The following OR51E1 variants were observed in gnomAD, a reference collection of about 807,000 sequenced individuals.
OR51E1 encodes the protein olfactory receptor family 51 subfamily E member 1.
Under a neutral mutation model 11.5 loss-of-function variants are expected in OR51E1, and 9 were observed. The observed-to-expected ratio is 0.78, with a 90% CI of 0.47 to 1.37. The LOEUF is 1.37. Among genes scored for constraint, OR51E1 ranks in the 40% most tolerant of loss-of-function variants. OR51E1 has a pLI of 0.00. For missense variants in OR51E1, 397 were observed against 410.2 expected (o/e 0.97, Z 0.28); for synonymous variants, 168 against 158.3 (o/e 1.06, Z -0.46).
At position 4,653,157 on chromosome 11, in the gene OR51E1, G is replaced by A. The variant is rs1847125122; in HGVS notation, c.631G>A (p.Gly211Ser). The change falls in exon 2 of 2, where the codon GGC becomes AGC. Residue 211 changes from glycine to serine, a missense_variant. By Grantham distance (56) the Gly-to-Ser change is moderately conservative (BLOSUM62 0). Transcript: ENST00000396952. Reference sequence around the variant, plus strand: ...CCTTATCGTCATCATCTCCGCCATTGGCCTGGACTCACTTCTCATCTCCTT... The same window carrying A: ...CCTTATCGTCATCATCTCCGCCATTAGCCTGGACTCACTTCTCATCTCCTT... The part of the protein sequence containing the change: ...YGLIVIISAI[G>S]LDSLLISFSY... 6.2e-7 allele frequency: 1 copy of A among 1,613,764 alleles called. No individual in the cohort carries two copies. Among genetic ancestry groups the A allele is most frequent in the African/African-American group, 1.3e-5 (1 of 74,866 alleles).
chr11:4,645,426 T>G (rs1413805248), intron 1 of OR51E1, among the ~76,000 whole-genome samples: 1 of 152,226 alleles, frequency 6.6e-6, no homozygotes, highest in African/African-American at 2.4e-5. Flanking sequence ...TTGTTGTCTT[T>G]GCTTCTGAGG....
Position 4,652,708 on chromosome 11 carries a change from C to T in OR51E1, c.182C>T (p.Pro61Leu), listed in dbSNP as rs1227774481. The T allele has an allele frequency of 1.2e-5, 19 of 1,613,800 alleles. No homozygotes were observed. Among genetic ancestry groups the T allele is most frequent in the Non-Finnish European group, 1.4e-5 (17 of 1,179,920 alleles). ...IVRTEHSLHEPMYIFLCMLSG... is the reference protein window; with the variant it reads ...IVRTEHSLHELMYIFLCMLSG... The stretch of plus-strand genomic sequence containing the variant: ...CGGACTGAGCACAGCCTGCATGAGC[C>T]CATGTATATATTTCTTTGCATGCTT... Residue 61 changes from proline to leucine, a missense_variant, in exon 2 of 2, where the codon CCC (proline) becomes CTC (leucine). By Grantham distance (98) the Pro-to-Leu change is moderately conservative (BLOSUM62 -3). Transcript: ENST00000396952.
chr11:4,645,706 A>C (rs1234967337), intron 1 of OR51E1, among the ~76,000 whole-genome samples: 2 of 152,126 alleles, frequency 1.3e-5, no homozygotes, highest in African/African-American at 2.4e-5. Flanking sequence ...TCTTTAGAAC[A>C]CTTATCTGGT....
Position 4,654,850 on chromosome 11 carries a change from A to G in OR51E1, c.*1367A>G, listed in dbSNP as rs1325993766. On this transcript the variant is annotated 3_prime_UTR_variant, in exon 2 of 2. Transcript: ENST00000396952. ...CAACAGTGTTAACCAAGAAACTCAA[A>G]TTACAAATACTAAAACATGTGATCA... 1.2e-5 allele frequency: 2 copies of G among 167,128 alleles called. No individual in the cohort carries two copies. The highest frequency in any genetic ancestry group is 2.4e-5 in the African/African-American group (1 of 41,456). 10.4% of individuals were successfully genotyped at this position (167,128 alleles called of 1,614,324 possible).
chr11:4,644,370 A>T (rs1016236334), intron 1 of OR51E1, among the ~76,000 whole-genome samples: 2 of 151,978 alleles, frequency 1.3e-5, no homozygotes, highest in African/African-American at 2.4e-5. Context: ...CTGGGGCTGC[A>T]TTGGGGTTGG....
At chr11:4,650,566 G>A (rs1292416463) in intron 1 of OR51E1, among the ~76,000 whole-genome samples, 1 of 152,040 alleles carries the variant, frequency 6.6e-6, no homozygotes, top group African/African-American at 2.4e-5. Context: ...ATTTCTATCT[G>A]GTCTGAGGAA....
Position 4,653,030 on chromosome 11 carries a change from G to A in OR51E1, c.504G>A (p.Gln168=). ...LMAPLPVFIK[Q]LPFCRSNILS... ...CACCCCTTCCTGTCTTCATCAAGCA[G>A]CTGCCCTTCTGCCGCTCCAATATCC... Residue 168 remains glutamine (Q), a synonymous_variant, in exon 2 of 2, where the codon CAG becomes CAA. Coordinates refer to ENST00000396952, the MANE Select transcript of OR51E1 (RefSeq NM_152430.4). The A allele has an allele frequency of 6.2e-7, 1 of 1,610,804 alleles. No homozygotes were observed. Among genetic ancestry groups the A allele is most frequent in the Non-Finnish European group, 8.5e-7 (1 of 1,177,898 alleles).
chr11:4,645,813 G>A (rs1355118354), intron 1 of OR51E1, among the ~76,000 whole-genome samples: 1 of 152,150 alleles, frequency 6.6e-6, no homozygotes, highest in East Asian at 1.9e-4. Context: ...CCAGGGTGGG[G>A]TGAGGGCTCA....
At chr11:4,645,279 G>A (rs969856116) in intron 1 of OR51E1, among the ~76,000 whole-genome samples, 25 of 152,172 alleles carry the variant, frequency 1.6e-4, no homozygotes, top group African/African-American at 5.5e-4. Flanking sequence ...TTGTCTAACC[G>A]AATGCTGCTG....
At chr11:4,645,258 A>G (rs973769162) in intron 1 of OR51E1, among the ~76,000 whole-genome samples, 1 of 152,020 alleles carries the variant, frequency 6.6e-6, no homozygotes, top group Admixed American at 6.6e-5. Flanking sequence ...TTGACACTCA[A>G]TATGTTTTTG....
rs1202674688 is a variant in OR51E1 at position 4,654,931 on chromosome 11, C to A, written c.*1448C>A. Reference sequence around the variant, plus strand: ...ATCCTCAGGTTCCCTGATATGGATTCCTATAACATGCTTTCATCCCCTTTT... The same window carrying A: ...ATCCTCAGGTTCCCTGATATGGATTACTATAACATGCTTTCATCCCCTTTT... On this transcript the variant is annotated 3_prime_UTR_variant, in exon 2 of 2. Coordinates refer to ENST00000396952, the MANE Select transcript of OR51E1 (RefSeq NM_152430.4). The A allele has an allele frequency of 6.0e-6, 1 of 167,040 alleles. No individual in the cohort carries two copies. The highest frequency in any genetic ancestry group is 1.5e-5 in the Non-Finnish European group (1 of 68,118). The allele number at this position is 167,040 out of a possible 1,614,324, so 10.3% of individuals were successfully genotyped here.
At chr11:4,644,687 T>C (rs1847006439) in intron 1 of OR51E1, among the ~76,000 whole-genome samples, 1 of 152,178 alleles carries the variant, frequency 6.6e-6, no homozygotes, top group Admixed American at 6.5e-5. Context: ...CTTTCAGCTT[T>C]CCAAACAAGG....
intron 1 of OR51E1, among the ~76,000 whole-genome samples, chr11:4,648,239 G>A (rs756076791): frequency 6.6e-5 from 10 of 152,174 alleles, no homozygotes; most frequent in Non-Finnish European, 1.2e-4. Flanking sequence ...TGGTATCTTT[G>A]TATCAGTGCC....
At chr11:4,645,706 A>G (rs1234967337) in intron 1 of OR51E1, among the ~76,000 whole-genome samples, 1 of 152,126 alleles carries the variant, frequency 6.6e-6, no homozygotes, top group Non-Finnish European at 1.5e-5. Flanking sequence ...TCTTTAGAAC[A>G]CTTATCTGGT....
chr11:4,648,061 C>T (rs757779381), intron 1 of OR51E1, among the ~76,000 whole-genome samples: 75 of 151,962 alleles, frequency 4.9e-4, no homozygotes, highest in African/African-American at 1.6e-3. Flanking sequence ...CCAGTCTGAA[C>T]GGTGGCACTT....
chr11:4,645,951 C>G (rs185879394), intron 1 of OR51E1, among the ~76,000 whole-genome samples: 1 of 152,288 alleles, frequency 6.6e-6, no homozygotes, highest in East Asian at 1.9e-4. Context: ...AGGTGTGGGG[C>G]ACAGTGGATG....
At position 4,651,717 on chromosome 11, in the gene OR51E1, A is replaced by T. The variant is rs1847100904; in HGVS notation, c.-39-771A>T. On this transcript the variant is annotated intron_variant, in intron 1 of 1. Coordinates refer to ENST00000396952, the MANE Select transcript of OR51E1 (RefSeq NM_152430.4). ...TCTGGCTGGGATACGAACGGTATCCACTAGAGCCATCATTCTTTATTTGAA... is the reference window on the plus strand; with the variant it reads ...TCTGGCTGGGATACGAACGGTATCCTCTAGAGCCATCATTCTTTATTTGAA... Among the ~76,000 whole-genome samples, 3 of 152,196 alleles carry T rather than the reference A, an allele frequency of 2.0e-5. No individual in the cohort carries two copies. The East Asian group carries it at 5.8e-4, about 29-fold the overall frequency.
At position 4,654,108 on chromosome 11, in the gene OR51E1, T is replaced by A. The variant is rs1433161912; in HGVS notation, c.*625T>A. 6.0e-6 allele frequency: 1 copy of A among 166,994 alleles called. No homozygotes were observed. Among genetic ancestry groups the A allele is most frequent in the Non-Finnish European group, 1.5e-5 (1 of 68,130 alleles). The allele number at this position is 166,994 out of a possible 1,614,324, so 10.3% of individuals were successfully genotyped here. A position where few individuals can be genotyped will look rare whatever the true frequency, so the allele number is the denominator to read the frequency against. On this transcript the variant is annotated 3_prime_UTR_variant, in exon 2 of 2. Transcript: ENST00000396952. ...CCCTGTTTTTCCTATTTAATTTTCT[T>A]ATCAACCCTTTAATTAGGCAAAGAT...
At chr11:4,644,803 C>G (rs1760234845) in intron 1 of OR51E1, among the ~76,000 whole-genome samples, 1 of 152,152 alleles carries the variant, frequency 6.6e-6, no homozygotes, top group African/African-American at 2.4e-5. Context: ...CAGAATTAAA[C>G]CAAAGCTCCT....
Sources: gnomAD v4.1 joint callset for allele counts (sites outside exome capture counted in the v4.1 genomes callset) on GRCh38, gnomAD v4.1.1 for gene constraint, MANE v1.5 for transcripts, NCBI Gene and HGNC (gene_info 2026-07-23, HGNC 2026-07-21) for gene names.